Variants in EVC2 observed in about 807,000 individuals in gnomAD.
EVC2 encodes EvC ciliary complex subunit 2, also known as limbin.
EVC2 carries 148 observed loss-of-function variants against 149.3 expected under a neutral mutation model. The observed-to-expected ratio is 0.99, with a 90% confidence interval of 0.87 to 1.14. The LOEUF (loss-of-function observed/expected upper bound fraction) is 1.14. EVC2 is among the 50% of genes most tolerant of loss of function. The pLI is 0.00. For synonymous variants in EVC2, 776 were observed against 649.9 expected (o/e 1.19, Z -2.95); for missense variants, 1,854 against 1,627.3 (o/e 1.14, Z -2.40).
intron 17 of EVC2, among the ~76,000 whole-genome samples, chr4:5,581,759 C>T (rs1386169427): frequency 6.6e-6 from 1 of 152,186 alleles, no homozygotes; most frequent in African/African-American, 2.4e-5. Flanking sequence ...CACGGCAGCC[C>T]TTTAATCACA....
intron 9 of EVC2, among the ~76,000 whole-genome samples, chr4:5,643,343 C>A (rs535988447): frequency 1.1e-4 from 16 of 152,166 alleles, no homozygotes; most frequent in Non-Finnish European, 1.9e-4. Context: ...AAAAATAGAC[C>A]TGGTTAAAAT....
At chr4:5,549,275 T>C (rs1420560682) in intron 21 of EVC2, among the ~76,000 whole-genome samples, 3 of 152,254 alleles carry the variant, frequency 2.0e-5, no homozygotes, top group African/African-American at 7.2e-5. Context: ...GGGAGTTTGC[T>C]TTCTATTTTA....
chr4:5,658,321 T>A (rs143017529), intron 9 of EVC2, among the ~76,000 whole-genome samples: 10 of 152,150 alleles, frequency 6.6e-5, no homozygotes, highest in African/African-American at 2.2e-4. Context: ...CTTGGATGAG[T>A]TGTTTAACTT....
At chr4:5,534,437 A>G in the EVC2 span, among the ~76,000 whole-genome samples, 1 of 152,204 alleles carries the variant, frequency 6.6e-6, no homozygotes, top group Non-Finnish European at 1.5e-5. Flanking sequence ...AGAGACTGGG[A>G]TGTTTCAGTG....
intron 16 of EVC2, among the ~76,000 whole-genome samples, chr4:5,595,696 A>G (rs1365659469): frequency 6.6e-6 from 1 of 152,216 alleles, no homozygotes; most frequent in Non-Finnish European, 1.5e-5. Flanking sequence ...TCATCATGAC[A>G]GGATCAAATT....
At position 5,622,477 on chromosome 4, in the gene EVC2, G is replaced by A. The variant is rs1715761407; in HGVS notation, c.2501+60C>T. 6.4e-7 allele frequency: 1 copy of A among 1,571,106 alleles called. No homozygotes were observed. Among genetic ancestry groups the A allele is most frequent in the Non-Finnish European group, 8.7e-7 (1 of 1,153,200 alleles). Reference sequence around the variant, plus strand: ...TGGCCATCCCCACAACCACAGGGCAGGAATCTCCCTGGCATCAACGGGATG... The same window carrying A: ...TGGCCATCCCCACAACCACAGGGCAAGAATCTCCCTGGCATCAACGGGATG... On this transcript the variant is annotated intron_variant, in intron 14 of 21. Coordinates refer to ENST00000344408, the MANE Select transcript of EVC2 (RefSeq NM_147127.5). This position sits in a 1 kb window ranked among gnomAD's most constrained non-coding sequence, Gnocchi z 5.8.
chr4:5,553,512 A>G (rs1312327298), intron 21 of EVC2, among the ~76,000 whole-genome samples: 2 of 152,214 alleles, frequency 1.3e-5, no homozygotes, highest in Admixed American at 6.5e-5. Flanking sequence ...CCAAGTCTCA[A>G]CAAATCTGTA....
Position 5,637,008 on chromosome 4 carries a change from C to T in EVC2, c.1470+3506G>A, listed in dbSNP as rs1716926881. On this transcript the variant is annotated intron_variant, in intron 10 of 21. Transcript: ENST00000344408. The surrounding 1 kb of genome is among the most constrained non-coding windows in gnomAD (Gnocchi z 4.4). The stretch of plus-strand genomic sequence containing the variant: ...CTTTGAACAGAGTGACCTAGGACAT[C>T]CGGAGTGATGGTGCCTGCCCAATAC... 6.6e-6 allele frequency among the ~76,000 whole-genome samples: 1 copy of T among 152,024 alleles called. No individual in the cohort carries two copies. Among genetic ancestry groups the T allele is most frequent in the South Asian group, 2.1e-4 (1 of 4,824 alleles).
intron 18 of EVC2, among the ~76,000 whole-genome samples, chr4:5,575,183 CAT>C (rs1722847844): frequency 6.6e-6 from 1 of 152,214 alleles, no homozygotes; most frequent in Non-Finnish European, 1.5e-5. Context: ...CACCTTTTCA[CAT>C]GAGGCTTCCT....
At chr4:5,628,828 A>G in intron 11 of EVC2, 94 bp from the exon 12 acceptor site, 1 of 1,282,882 alleles carries the variant, frequency 7.8e-7, no homozygotes, top group African/African-American at 1.5e-5. Context: ...TCCTTTTATA[A>G]GAAAATACAC....
intron 9 of EVC2, among the ~76,000 whole-genome samples, chr4:5,651,695 C>T (rs1272801169): frequency 2.6e-5 from 4 of 152,224 alleles, no homozygotes; most frequent in Admixed American, 2.0e-4. Flanking sequence ...AAGTAAGTCA[C>T]CTTTCCAACC....
intron 12 of EVC2, 25 bp downstream of exon 12, chr4:5,628,534 C>G: frequency 6.2e-7 from 1 of 1,613,930 alleles, no homozygotes; most frequent in Admixed American, 1.7e-5. Context: ...ACAGTTCGCA[C>G]TGTTGGGACA....
chr4:5,639,709 A>AG (rs1717172824), intron 10 of EVC2, among the ~76,000 whole-genome samples: 1 of 152,224 alleles, frequency 6.6e-6, no homozygotes, highest in African/African-American at 2.4e-5. Context: ...TATAGTCCAG[A>AG]GGGGGACACG....
At chr4:5,539,997 T>A (rs1055110393), downstream of EVC2, among the ~76,000 whole-genome samples, 1 of 152,168 alleles carries the variant, frequency 6.6e-6, no homozygotes, top group Non-Finnish European at 1.5e-5. Context: ...AGACATTGTA[T>A]CTAGAACATA....
chr4:5,628,570 C>T lies in EVC2; in HGVS notation c.1875G>A (p.Gln625=). ...GTGTTGAGTGGTACCTCTCGTGCTT[C>T]TGAATGAGGTGAGTCAGCTGGGCTG... ...TAAAQLTHLI[Q]KHERAGYLDE... Residue 625 remains glutamine, a synonymous_variant, in exon 12 of 22, where the codon CAG becomes CAA. Coordinates refer to ENST00000344408, the MANE Select transcript of EVC2 (RefSeq NM_147127.5). 6.2e-7 allele frequency: 1 copy of T among 1,614,110 alleles called. No individual in the cohort carries two copies. Among genetic ancestry groups the T allele is most frequent in the Non-Finnish European group, 8.5e-7 (1 of 1,180,024 alleles).
At chr4:5,649,514 T>C (rs917559427) in intron 9 of EVC2, among the ~76,000 whole-genome samples, 1 of 152,196 alleles carries the variant, frequency 6.6e-6, no homozygotes, top group Admixed American at 6.5e-5. Context: ...TTCTTTCTTC[T>C]TATTTCACAT....
rs1239624400 is a variant in EVC2, at chr4:5,618,146, G to A, written c.2706+332C>T. On this transcript the variant is annotated intron_variant, in intron 15 of 21. Coordinates refer to ENST00000344408, the MANE Select transcript of EVC2 (RefSeq NM_147127.5). The surrounding 1 kb of genome is among the most constrained non-coding windows in gnomAD (Gnocchi z 4.4). ...AGTCAGTCATTAGCTGTGGCTGGAG[G>A]AGGGGGCAGGAGAGACAGAGTAATA... is the stretch of plus-strand genomic sequence containing the variant. Among the ~76,000 whole-genome samples, 1 of 152,198 alleles carries A rather than the reference G, an allele frequency of 6.6e-6. No individual in the cohort carries two copies. Among genetic ancestry groups the A allele is most frequent in the Non-Finnish European group, 1.5e-5 (1 of 68,034 alleles).
At chr4:5,579,762 A>G (rs1188808154) in intron 17 of EVC2, among the ~76,000 whole-genome samples, 1 of 152,112 alleles carries the variant, frequency 6.6e-6, no homozygotes, top group Non-Finnish European at 1.5e-5. Flanking sequence ...AATCAATTGA[A>G]CCCAGGAGGT....
Position 5,670,779 on chromosome 4 carries a change from T to C in EVC2, c.871-5130A>G, listed in dbSNP as rs1178126987. ...TCAGCAGCATCGCCATCAAATTCAT[T>C]ATCACCATCACCACCATGACCACCA... On this transcript the variant is annotated intron_variant, in intron 7 of 21. Transcript: ENST00000344408. The surrounding 1 kb of genome is among the most constrained non-coding windows in gnomAD (Gnocchi z 5.2). Among the ~76,000 whole-genome samples, 1 of 136,314 alleles carries C rather than the reference T, an allele frequency of 7.3e-6. No homozygotes were observed. Among genetic ancestry groups the C allele is most frequent in the African/African-American group, 2.8e-5 (1 of 35,718 alleles). 89.4% of individuals were successfully genotyped at this position (136,314 alleles called of 152,430 possible).
Sources: allele counts gnomAD v4.1 joint callset (sites outside exome capture counted in the v4.1 genomes callset), GRCh38; gene constraint gnomAD v4.1.1; non-coding constraint Gnocchi (gnomAD v3.1); transcripts MANE v1.5; gene names NCBI Gene and HGNC (gene_info 2026-07-23, HGNC 2026-07-21).